The following CADM1 variants were observed in gnomAD, a reference collection of about 807,000 sequenced individuals.
CADM1 encodes the protein TSLC-1.
Under a neutral mutation model 53.1 loss-of-function variants are expected in CADM1, and 15 were observed. That is an observed-to-expected ratio of 0.28 (90% CI 0.19 to 0.44). The LOEUF is 0.44. Ranked by LOEUF, CADM1 falls within the 20% of genes least tolerant of loss-of-function variation. The pLI is 1.00. For missense variants in CADM1, 434 were observed against 611.3 expected, an observed-to-expected ratio of 0.71 and a Z score of 3.06; for synonymous variants, 281 against 243.0, an observed-to-expected ratio of 1.16 and a Z score of -1.45.
intron 8 of CADM1, among the ~76,000 whole-genome samples, chr11:115,201,334 G>A (rs1940418728): frequency 1.3e-5 from 2 of 152,170 alleles, no homozygotes; most frequent in South Asian, 4.1e-4. Context: ...TTATTTTCAA[G>A]TAAAGAATTA....
chr11:115,250,161 G>A (rs113919952), intron 1 of CADM1, among the ~76,000 whole-genome samples: 10 of 152,040 alleles, frequency 6.6e-5, no homozygotes, highest in Non-Finnish European at 1.5e-4. Flanking sequence ...CCTCAGCCTC[G>A]CAAAGTGCTG....
intron 1 of CADM1, among the ~76,000 whole-genome samples, chr11:115,440,730 G>A (rs1012848778): frequency 1.3e-5 from 2 of 152,124 alleles, no homozygotes; most frequent in African/African-American, 2.4e-5. Flanking sequence ...TTTTCCTTCT[G>A]AGTATCTGAG....
intron 1 of CADM1, among the ~76,000 whole-genome samples, chr11:115,311,603 G>A (rs1408271230): frequency 4.6e-5 from 7 of 152,098 alleles, no homozygotes; most frequent in Non-Finnish European, 8.8e-5. Flanking sequence ...GTTGTTCAAG[G>A]GTCAAATATA....
Position 115,313,436 on chromosome 11 carries a change from T to C in CADM1, c.125-73016A>G, listed in dbSNP as rs139997091. Among the ~76,000 whole-genome samples, 800 of 152,274 alleles carry C rather than the reference T, an allele frequency of 5.3e-3. 10 individuals carry two copies. Among genetic ancestry groups the C allele is most frequent in the African/African-American group, 0.018 (746 of 41,550 alleles). On this transcript the variant is annotated intron_variant, in intron 1 of 11. Transcript: ENST00000331581. ...GTAAGCTGAATGCTCTGCCAGTTAG[T>C]ACAATTTATAAATAGCTTGGACCCA...
At chr11:115,420,822 T>C (rs191086323) in intron 1 of CADM1, among the ~76,000 whole-genome samples, 23 of 152,318 alleles carry the variant, frequency 1.5e-4, no homozygotes, top group African/African-American at 5.5e-4. Flanking sequence ...TCAATGCTGC[T>C]GTAGGATGAG....
chr11:115,371,182 TTTAAA>T (rs1946297543), intron 1 of CADM1, among the ~76,000 whole-genome samples: 1 of 152,132 alleles, frequency 6.6e-6, no homozygotes, highest in Non-Finnish European at 1.5e-5. Flanking sequence ...TAAAAGATAT[TTTAAA>T]TTATTTTTAA....
intron 1 of CADM1, among the ~76,000 whole-genome samples, chr11:115,385,923 C>G (rs1946689412): frequency 6.6e-6 from 1 of 152,202 alleles, no homozygotes; most frequent in Admixed American, 6.5e-5. Context: ...CTTTGGTGTT[C>G]AAGCTACTTT....
intron 1 of CADM1, among the ~76,000 whole-genome samples, chr11:115,414,174 T>A (rs1295253261): frequency 6.6e-6 from 1 of 152,192 alleles, no homozygotes; most frequent in Non-Finnish European, 1.5e-5. Flanking sequence ...ATCAATTATA[T>A]TTAGCCCAAT....
intron 5 of CADM1, among the ~76,000 whole-genome samples, chr11:115,220,807 T>C (rs1941377465): frequency 6.6e-6 from 1 of 152,180 alleles, no homozygotes; most frequent in South Asian, 2.1e-4. Context: ...ACAGGTGGAA[T>C]AGAAACCCTG....
In CADM1 at chr11:115,461,816, G is replaced by A. The variant is rs564594843; in HGVS notation, c.124+42455C>T. On this transcript the variant is annotated intron_variant, in intron 1 of 11. Transcript: ENST00000331581. Reference sequence around the variant, plus strand: ...CTCTTTTTTAAACAGGGAAGTTTGAGAGGGCAGGGGGACTCCCAGGGGTAG... The same window carrying A: ...CTCTTTTTTAAACAGGGAAGTTTGAAAGGGCAGGGGGACTCCCAGGGGTAG... Among the ~76,000 whole-genome samples the A allele has an allele frequency of 1.5e-4, 23 of 152,224 alleles. No individual in the cohort carries two copies. The East Asian group carries it at 3.7e-3, about 24-fold the overall frequency.
At chr11:115,490,301 G>T (rs972606903) in intron 1 of CADM1, among the ~76,000 whole-genome samples, 2 of 151,990 alleles carry the variant, frequency 1.3e-5, no homozygotes, top group African/African-American at 2.4e-5. Context: ...TCTCTATGAG[G>T]ACTCCCAGGT....
At chr11:115,325,125 GA>G (rs2135198202) in intron 1 of CADM1, among the ~76,000 whole-genome samples, 1 of 152,284 alleles carries the variant, frequency 6.6e-6, no homozygotes, top group East Asian at 1.9e-4. Context: ...AAGTTCTATA[GA>G]AGAAATGTTA....
rs201044256 is a variant in CADM1 at position 115,397,000 on chromosome 11, T to G, written c.124+107271A>C. 3 of 152,186 alleles carry G rather than the reference T, an allele frequency of 2.0e-5. No individual in the cohort carries two copies. The East Asian group carries it at 5.8e-4, about 29-fold the overall frequency. The allele number at this position is 152,186 out of a possible 1,614,324, so 9.4% of individuals were successfully genotyped here. Reference sequence around the variant, plus strand: ...GAATGACAGCAGCATAAATACAGGATTATGGCTATCAAGCAGGAGAAAAGA... The same window carrying G: ...GAATGACAGCAGCATAAATACAGGAGTATGGCTATCAAGCAGGAGAAAAGA... On this transcript the variant is annotated intron_variant, in intron 1 of 11. Transcript: ENST00000331581.
At chr11:115,392,316 A>G (rs910726258) in intron 1 of CADM1, among the ~76,000 whole-genome samples, 11 of 152,104 alleles carry the variant, frequency 7.2e-5, no homozygotes, top group African/African-American at 2.7e-4. Context: ...TGTCTGTTAA[A>G]TAAATGAATC....
intron 1 of CADM1, among the ~76,000 whole-genome samples, chr11:115,309,334 T>C (rs1179246269): frequency 2.0e-5 from 3 of 152,076 alleles, no homozygotes; most frequent in East Asian, 1.9e-4. Flanking sequence ...ATTTTAAACA[T>C]ATAAGATTAG....
chr11:115,399,531 G>A (rs1303105762), intron 1 of CADM1: 1 of 152,062 alleles, frequency 6.6e-6, no homozygotes, highest in African/African-American at 2.4e-5. Flanking sequence ...AAATATGAGA[G>A]AAAACACCAT....
intron 1 of CADM1, among the ~76,000 whole-genome samples, chr11:115,332,710 C>G (rs532757183): frequency 6.6e-6 from 1 of 152,046 alleles, no homozygotes; most frequent in Non-Finnish European, 1.5e-5. Flanking sequence ...TTGCTTGACG[C>G]CTCCACTGAG....
intron 10 of CADM1, among the ~76,000 whole-genome samples, chr11:115,187,260 T>A (rs79939718): frequency 1.3e-5 from 2 of 151,998 alleles, no homozygotes; most frequent in Non-Finnish European, 2.9e-5. Flanking sequence ...TAGGAAAGAG[T>A]TCCCCCTAAA....
At chr11:115,272,231 T>A (rs1020622154) in intron 1 of CADM1, among the ~76,000 whole-genome samples, 4 of 152,214 alleles carry the variant, frequency 2.6e-5, no homozygotes, top group Non-Finnish European at 5.9e-5. Context: ...GCATTTCTCA[T>A]TTCTATTAAG....
Sources: allele counts gnomAD v4.1 joint callset (sites outside exome capture counted in the v4.1 genomes callset), GRCh38; gene constraint gnomAD v4.1.1; transcripts MANE v1.5; gene names NCBI Gene and HGNC (gene_info 2026-07-23, HGNC 2026-07-21).